ASCC1: variants seen among roughly 807,000 people sequenced by gnomAD.
The protein encoded by ASCC1 is activating signal cointegrator 1 complex subunit 1.
ASCC1 carries 35 observed loss-of-function variants against 46.6 expected under a neutral mutation model. That is an observed-to-expected ratio of 0.75 (90% CI 0.57 to 0.99). The LOEUF is 0.99. ASCC1 is among the 50% of genes least tolerant of loss of function. ASCC1 has a pLI of 0.00. For synonymous variants in ASCC1, 143 were observed against 146.6 expected, an observed-to-expected ratio of 0.98 and a Z score of 0.18; for missense variants, 376 against 428.7, an observed-to-expected ratio of 0.88 and a Z score of 1.09.
At chr10:72,140,118 G>T (rs544401691) in intron 7 of ASCC1, among the ~76,000 whole-genome samples, 1 of 152,012 alleles carries the variant, frequency 6.6e-6, no homozygotes, top group East Asian at 1.9e-4. Flanking sequence ...AACATTCTTC[G>T]AACATCTATG....
chr10:72,123,338 C>CAAA (rs1309214553), intron 9 of ASCC1, among the ~76,000 whole-genome samples: 1 of 58,968 alleles, frequency 1.7e-5, no homozygotes, highest in Non-Finnish European at 3.6e-5. Flanking sequence ...GACTCCGTCT[C>CAAA]AAAAAAAAAA....
At chr10:72,177,275 C>G (rs1417456516) in intron 5 of ASCC1, among the ~76,000 whole-genome samples, 1 of 152,126 alleles carries the variant, frequency 6.6e-6, no homozygotes, top group Non-Finnish European at 1.5e-5. Context: ...GGGCTTTTTA[C>G]AATTTTCCTT....
chr10:72,143,017 C>T (rs1164270428), intron 7 of ASCC1, among the ~76,000 whole-genome samples: 2 of 151,718 alleles, frequency 1.3e-5, no homozygotes, highest in South Asian at 2.1e-4. Context: ...AAAAATTAGC[C>T]GGACATGGTA....
intron 5 of ASCC1, among the ~76,000 whole-genome samples, chr10:72,170,738 C>T (rs923807774): frequency 6.6e-6 from 1 of 151,766 alleles, no homozygotes; most frequent in Non-Finnish European, 1.5e-5. Flanking sequence ...AAAAATGCTA[C>T]AAAGGATATT....
intron 2 of ASCC1, among the ~76,000 whole-genome samples, chr10:72,212,473 A>G (rs1858302798): frequency 6.6e-6 from 1 of 152,208 alleles, no homozygotes. Context: ...TACAAAAGGG[A>G]CATGACCATC....
intron 9 of ASCC1, among the ~76,000 whole-genome samples, chr10:72,127,645 T>G (rs1250125273): frequency 2.0e-5 from 3 of 151,168 alleles, no homozygotes. Context: ...ATCCAAGTGG[T>G]TGGAATACCT....
At chr10:72,197,674 G>A (rs1404402749) in intron 4 of ASCC1, among the ~76,000 whole-genome samples, 3 of 151,888 alleles carry the variant, frequency 2.0e-5, no homozygotes, top group Non-Finnish European at 4.4e-5. Context: ...GGGAGGCTGA[G>A]GTGGGCAGAT....
At chr10:72,104,416 T>C (rs1001125042) in intron 9 of ASCC1, among the ~76,000 whole-genome samples, 4 of 152,188 alleles carry the variant, frequency 2.6e-5, no homozygotes, top group Non-Finnish European at 5.9e-5. Context: ...AAGGCTATAT[T>C]TAATTTGGTA....
Position 72,208,767 on chromosome 10 carries a change from A to G in ASCC1, c.212+1965T>C, listed in dbSNP as rs540696835. On this transcript the variant is annotated intron_variant, in intron 3 of 9. Transcript: ENST00000672957. ...AGAGTAAGACTCCATCTCAAAAAAA[A>G]TGTGTGTGTGTGTGTGTTTGTGTGT... Among the ~76,000 whole-genome samples, 242 of 151,292 alleles carry G rather than the reference A, an allele frequency of 1.6e-3. 1 individual carries two copies. The highest frequency in any genetic ancestry group is 2.8e-3 in the Admixed American group (42 of 15,142).
chr10:72,202,649 T>C (rs1856654054), intron 4 of ASCC1, among the ~76,000 whole-genome samples: 1 of 152,166 alleles, frequency 6.6e-6, no homozygotes, highest in Admixed American at 6.6e-5. Context: ...ATCAGAACAG[T>C]TATTTGAGTC....
At chr10:72,215,152 C>T (rs1006942895) in intron 1 of ASCC1, among the ~76,000 whole-genome samples, 2 of 152,218 alleles carry the variant, frequency 1.3e-5, no homozygotes, top group African/African-American at 2.4e-5. Context: ...TCTGTAATCC[C>T]AGCACTTTAG....
At chr10:72,202,206 C>T (rs966062991) in intron 4 of ASCC1, among the ~76,000 whole-genome samples, 6 of 152,134 alleles carry the variant, frequency 3.9e-5, no homozygotes, top group African/African-American at 1.4e-4. Flanking sequence ...GGTGCTCACG[C>T]CTGTAATCCC....
At chr10:72,131,282 G>A (rs537371405) in intron 8 of ASCC1, among the ~76,000 whole-genome samples, 14 of 152,218 alleles carry the variant, frequency 9.2e-5, no homozygotes, top group African/African-American at 2.6e-4. Flanking sequence ...AGCTGAGCGC[G>A]GTGGCAGGTG....
chr10:72,131,754 A>G (rs1425225405), intron 8 of ASCC1, among the ~76,000 whole-genome samples: 1 of 152,180 alleles, frequency 6.6e-6, no homozygotes, highest in Non-Finnish European at 1.5e-5. Context: ...TTTGGTACAT[A>G]TCTGAGAGAA....
intron 5 of ASCC1, among the ~76,000 whole-genome samples, chr10:72,182,815 G>GAAAA (rs764472124): frequency 7.9e-6 from 1 of 126,762 alleles, no homozygotes; most frequent in Non-Finnish European, 1.6e-5. Flanking sequence ...GTCTCTAAAA[G>GAAAA]AAAAAAAAAA....
At chr10:72,192,790 C>T (rs1038894396) in intron 5 of ASCC1, among the ~76,000 whole-genome samples, 1 of 152,044 alleles carries the variant, frequency 6.6e-6, no homozygotes, top group African/African-American at 2.4e-5. Context: ...CACTGCCCCC[C>T]GCCAAACAAC....
intron 5 of ASCC1, among the ~76,000 whole-genome samples, chr10:72,172,428 A>G (rs996696388): frequency 4.0e-5 from 6 of 149,450 alleles, no homozygotes; most frequent in Admixed American, 1.3e-4. Flanking sequence ...AAAAAAAAAA[A>G]AAAAAAAGAA....
chr10:72,216,238 A>T lies in ASCC1; in HGVS notation c.-65T>A, dbSNP rs899613651. 8.3e-5 allele frequency: 13 copies of T among 156,860 alleles called. No homozygotes were observed. The highest frequency in any genetic ancestry group is 2.9e-4 in the African/African-American group (12 of 41,458). 9.7% of individuals were successfully genotyped at this position (156,860 alleles called of 1,614,324 possible). ...GGACTAGAAAAATGGAGAAGGTAGG[A>T]GGAGAAACAGGAGACTGCTGCAGCA... On this transcript the variant is annotated 5_prime_UTR_variant, in exon 1 of 10. Transcript: ENST00000672957.
chr10:72,204,498 G>T, intron 3 of ASCC1: 1 of 1,549,242 alleles, frequency 6.5e-7, no homozygotes, highest in South Asian at 1.2e-5. Flanking sequence ...GTGTTCAAGT[G>T]AATGAGACTA....
Sources: allele counts gnomAD v4.1 joint callset (sites outside exome capture counted in the v4.1 genomes callset), GRCh38; gene constraint gnomAD v4.1.1; transcripts MANE v1.5; gene names NCBI Gene and HGNC (gene_info 2026-07-23, HGNC 2026-07-21).